The following CSTF1 variants were observed in gnomAD, a reference collection of about 807,000 sequenced individuals.
CSTF1 encodes CF-1 50 kDa subunit.
Under a neutral mutation model 40.9 loss-of-function variants are expected in CSTF1, and 2 were observed. The observed-to-expected ratio is 0.05, with a 90% CI of 0.02 to 0.15. The LOEUF (loss-of-function observed/expected upper bound fraction) is 0.15. Ranked by LOEUF, CSTF1 falls within the 10% of genes least tolerant of loss-of-function variation. The probability of loss-of-function intolerance (pLI) is 1.00; values close to 1 mark genes in which losing one functional copy is unlikely to be tolerated. For synonymous variants in CSTF1, 218 were observed against 207.2 expected (o/e 1.05, Z -0.45); for missense variants, 279 against 558.9 (o/e 0.50, Z 5.05).
chr20:56,397,748 A>T lies in CSTF1; in HGVS notation c.552A>T (p.Thr184=), dbSNP rs200022027. 2 of 1,614,190 alleles carry T rather than the reference A, an allele frequency of 1.2e-6. No individual in the cohort carries two copies. The highest frequency in any genetic ancestry group is 2.2e-5 in the South Asian group (2 of 91,082). ...DEVTCLAFHP[T]EQILASGSRD... is the part of the protein sequence containing the mutation. ...TCACGTGCCTTGCTTTCCACCCAAC[A>T]GAACAGATCCTGGCTTCTGGTTCAA... is the stretch of plus-strand genomic sequence containing the variant. Residue 184 remains threonine, a synonymous_variant, in exon 4 of 6, where the codon ACA becomes ACT. Transcript: ENST00000217109. This position sits in a 1 kb window ranked among gnomAD's most constrained non-coding sequence, Gnocchi z 4.4.
Position 56,397,086 on chromosome 20 carries a change from C to A in CSTF1, c.170-121C>A. ...TTGTAAAGTGTTAGGTGTCACGCGGCTCCAAGAAATAGGAGGTTGACACTG... is the reference window on the plus strand; with the variant it reads ...TTGTAAAGTGTTAGGTGTCACGCGGATCCAAGAAATAGGAGGTTGACACTG... On this transcript the variant is annotated intron_variant, in intron 2 of 5. Transcript: ENST00000217109. This position sits in a 1 kb window ranked among gnomAD's most constrained non-coding sequence, Gnocchi z 4.4. 1 of 1,084,532 alleles carries A rather than the reference C, an allele frequency of 9.2e-7. No individual in the cohort carries two copies. Among genetic ancestry groups the A allele is most frequent in the Non-Finnish European group, 1.3e-6 (1 of 753,424 alleles). The allele number at this position is 1,084,532 out of a possible 1,614,324, so 67.2% of individuals were successfully genotyped here. A position where few individuals can be genotyped will look rare whatever the true frequency, so the allele number is the denominator to read the frequency against.
Position 56,404,434 on chromosome 20 carries a change from TC to T in CSTF1, c.*709del, listed in dbSNP as rs1249517722. On this transcript the variant is annotated 3_prime_UTR_variant, in exon 6 of 6. Coordinates refer to ENST00000217109, the MANE Select transcript of CSTF1 (RefSeq NM_001324.3). ...TTCATGAGAAACAATTGAAAATATA[TC>T]CGATCTAATTAAATTAGGTCAGCCT... 6.6e-6 allele frequency: 1 copy of T among 152,176 alleles called. No homozygotes were observed. Among genetic ancestry groups the T allele is most frequent in the African/African-American group, 2.4e-5 (1 of 41,430 alleles). The allele number at this position is 152,176 out of a possible 1,614,324, so 9.4% of individuals were successfully genotyped here.
In CSTF1 at chr20:56,399,970, A is replaced by G. The variant is rs924803455; in HGVS notation, c.1036+613A>G. Among the ~76,000 whole-genome samples, 2 of 152,182 alleles carry G rather than the reference A, an allele frequency of 1.3e-5. No homozygotes were observed. Among genetic ancestry groups the G allele is most frequent in the Non-Finnish European group, 2.9e-5 (2 of 68,026 alleles). On this transcript the variant is annotated intron_variant, in intron 5 of 5. Coordinates refer to ENST00000217109, the MANE Select transcript of CSTF1 (RefSeq NM_001324.3). This position sits in a 1 kb window ranked among gnomAD's most constrained non-coding sequence, Gnocchi z 4.6. ...TTTATCCTATCACTAGTAGGGCCCA[A>G]GTCTGGTTATTTGATAATGAATGTT...
At chr20:56,396,503 A>G (rs1987521766) in intron 2 of CSTF1, among the ~76,000 whole-genome samples, 1 of 152,238 alleles carries the variant, frequency 6.6e-6, no homozygotes, top group Non-Finnish European at 1.5e-5. Flanking sequence ...TTAAGTGAAC[A>G]AGTGAGTCAC....
intron 4 of CSTF1, among the ~76,000 whole-genome samples, chr20:56,398,243 C>A (rs1002608048): frequency 3.3e-5 from 5 of 152,198 alleles, no homozygotes; most frequent in Non-Finnish European, 2.9e-5. Flanking sequence ...TGCAGAAATA[C>A]TAATGTTTTA....
chr20:56,397,312 T>C lies in CSTF1; in HGVS notation c.275T>C (p.Met92Thr). The change falls in exon 3 of 6, where the codon ATG becomes ACG. Residue 92 changes from methionine (M) to threonine (T), a missense_variant. Met to Thr is a moderately conservative substitution (Grantham distance 81). This residue lies in a region of CSTF1 where 66 missense variants were observed against 148.0 expected (regional missense o/e 0.45). Transcript: ENST00000217109. The surrounding 1 kb of genome is among the most constrained non-coding windows in gnomAD (Gnocchi z 4.4). ...GAATTTGATGCAGATGTTCAGACTATGTCCCCAGAGGCTTCTGAGTACGAA... is the reference window on the plus strand; with the variant it reads ...GAATTTGATGCAGATGTTCAGACTACGTCCCCAGAGGCTTCTGAGTACGAA... ...DLEFDADVQT[M>T]SPEASEYETC... 2 of 1,614,244 alleles carry C rather than the reference T, an allele frequency of 1.2e-6. No individual in the cohort carries two copies. The highest frequency in any genetic ancestry group is 1.7e-6 in the Non-Finnish European group (2 of 1,180,048).
At chr20:56,392,980 C>A (rs1485057551) in intron 1 of CSTF1, among the ~76,000 whole-genome samples, 2 of 152,128 alleles carry the variant, frequency 1.3e-5, no homozygotes, top group Non-Finnish European at 2.9e-5. Context: ...TCTAGCCTTT[C>A]CAACTGCGAT....
rs137867399 is a variant in CSTF1 at position 56,393,066 on chromosome 20, T to C, written c.-33+353T>C. Among the ~76,000 whole-genome samples, 638 of 152,106 alleles carry C rather than the reference T, an allele frequency of 4.2e-3. 1 individual carries two copies. The highest frequency in any genetic ancestry group is 0.012 in the African/African-American group (483 of 41,486). ...GGGGATAATTAGGCTTCTGTTTACCTGGCGAGTGAACGTTCTGTGGGAGTT... is the reference window on the plus strand; with the variant it reads ...GGGGATAATTAGGCTTCTGTTTACCCGGCGAGTGAACGTTCTGTGGGAGTT... On this transcript the variant is annotated intron_variant, in intron 1 of 5. Coordinates refer to ENST00000217109, the MANE Select transcript of CSTF1 (RefSeq NM_001324.3).
At position 56,398,243 on chromosome 20, in the gene CSTF1, C is replaced by T. The variant is rs1002608048; in HGVS notation, c.645+402C>T. 9.8e-5 allele frequency among the ~76,000 whole-genome samples: 15 copies of T among 152,316 alleles called. 1 individual carries two copies. The highest frequency in any genetic ancestry group is 8.5e-4 in the Admixed American group (13 of 15,300). Reference sequence around the variant, plus strand: ...ATTTTGAATATGCATTGCAGAAATACTAATGTTTTAGTTGTGGCTTCTGTC... The same window carrying T: ...ATTTTGAATATGCATTGCAGAAATATTAATGTTTTAGTTGTGGCTTCTGTC... On this transcript the variant is annotated intron_variant, in intron 4 of 5. Coordinates refer to ENST00000217109, the MANE Select transcript of CSTF1 (RefSeq NM_001324.3).
chr20:56,406,110 TG>T lies in CSTF1; in HGVS notation c.*2386del, dbSNP rs1427832954. On this transcript the variant is annotated 3_prime_UTR_variant, in exon 6 of 6. Transcript: ENST00000217109. ...GAAGTAGCTGTTTTTTCATTTTTTG[TG>T]GGTTTGTTTTTTTTGTGTTTGTTTG... is the stretch of plus-strand genomic sequence containing the variant. 3.5e-5 allele frequency: 4 copies of T among 114,708 alleles called. No homozygotes were observed. Among genetic ancestry groups the T allele is most frequent in the Admixed American group, 2.3e-4 (3 of 13,202 alleles). The allele number at this position is 114,708 out of a possible 1,614,324, so 7.1% of individuals were successfully genotyped here.
intron 5 of CSTF1, among the ~76,000 whole-genome samples, chr20:56,400,360 A>G (rs772741539): frequency 6.6e-6 from 1 of 152,188 alleles, no homozygotes; most frequent in Non-Finnish European, 1.5e-5. Context: ...ACACTTGTAT[A>G]AAGTTGTTCT....
Position 56,397,556 on chromosome 20 carries a change from A to G in CSTF1, c.447+72A>G. On this transcript the variant is annotated intron_variant, in intron 3 of 5. Transcript: ENST00000217109. The surrounding 1 kb of genome is among the most constrained non-coding windows in gnomAD (Gnocchi z 4.4). ...TTTTGGAAAAATGAGAGTATGGTTG[A>G]AACCAGCTTTAGTTTGCTACAGTTG... 1 of 1,600,166 alleles carries G rather than the reference A, an allele frequency of 6.2e-7. No individual in the cohort carries two copies. Among genetic ancestry groups the G allele is most frequent in the Non-Finnish European group, 8.5e-7 (1 of 1,169,672 alleles).
chr20:56,394,766 C>T (rs144892369), intron 1 of CSTF1, among the ~76,000 whole-genome samples: 1 of 152,324 alleles, frequency 6.6e-6, no homozygotes, highest in East Asian at 1.9e-4. Context: ...AAACCATTTA[C>T]AGTTTTTTGT....
At chr20:56,403,175 T>C (rs76203303) in intron 5 of CSTF1, among the ~76,000 whole-genome samples, 2 of 144,286 alleles carry the variant, frequency 1.4e-5, no homozygotes, top group East Asian at 2.0e-4. Flanking sequence ...GGTGATCTCC[T>C]TTTTTTTTTT....
At chr20:56,392,466 A>G (rs1987275023), upstream of CSTF1, 1 of 152,324 alleles carries the variant, frequency 6.6e-6, no homozygotes, top group Non-Finnish European at 1.5e-5. Flanking sequence ...CGGTGAAGCA[A>G]CAGCCCCTTG....
intron 1 of CSTF1, among the ~76,000 whole-genome samples, chr20:56,393,484 A>G (rs1987385023): frequency 6.6e-6 from 1 of 152,098 alleles, no homozygotes; most frequent in Admixed American, 6.5e-5. Context: ...ATTGGTACTT[A>G]AGAATCTCCC....
chr20:56,397,544 A>T lies in CSTF1; in HGVS notation c.447+60A>T. On this transcript the variant is annotated intron_variant, in intron 3 of 5. Coordinates refer to ENST00000217109, the MANE Select transcript of CSTF1 (RefSeq NM_001324.3). The surrounding 1 kb of genome is among the most constrained non-coding windows in gnomAD (Gnocchi z 4.4). ...TCTGTTTTTCATTTTTGGAAAAATG[A>T]GAGTATGGTTGAAACCAGCTTTAGT... 6.2e-7 allele frequency: 1 copy of T among 1,600,468 alleles called. No individual in the cohort carries two copies. Among genetic ancestry groups the T allele is most frequent in the Non-Finnish European group, 8.5e-7 (1 of 1,170,672 alleles).
At chr20:56,394,170 G>A (rs2146240889) in intron 1 of CSTF1, among the ~76,000 whole-genome samples, 1 of 152,306 alleles carries the variant, frequency 6.6e-6, no homozygotes, top group African/African-American at 2.4e-5. Context: ...TGAATACATT[G>A]AATGATTTTA....
chr20:56,392,529 G>C (rs1256816068), upstream of CSTF1: 1 of 152,268 alleles, frequency 6.6e-6, no homozygotes, highest in East Asian at 1.9e-4. Context: ...ACTAACCTTT[G>C]AACGTGCCAG....
Sources: allele counts gnomAD v4.1 joint callset (sites outside exome capture counted in the v4.1 genomes callset), GRCh38; gene constraint gnomAD v4.1.1; regional missense constraint gnomAD v4.1.1; non-coding constraint Gnocchi (gnomAD v3.1); transcripts MANE v1.5; gene names NCBI Gene and HGNC (gene_info 2026-07-23, HGNC 2026-07-21).